PLCH1: variants seen among roughly 807,000 people sequenced by gnomAD.
The protein encoded by PLCH1 is phospholipase C eta 1, also known as 1-phosphatidylinositol 4,5-bisphosphate phosphodiesterase eta-1.
Under a neutral mutation model 126.7 loss-of-function variants are expected in PLCH1, and 60 were observed. The ratio of observed to expected loss-of-function variants is 0.47; its 90% CI spans 0.38 to 0.59. The LOEUF (loss-of-function observed/expected upper bound fraction) is 0.59, where lower values mean the gene tolerates loss of function less well. Among genes scored for constraint, PLCH1 ranks in the 20% least tolerant of loss-of-function variants. The pLI is 0.00. For synonymous variants in PLCH1, 719 were observed against 734.9 expected (o/e 0.98, Z 0.35); for missense variants, 1,723 against 2,040.0 (o/e 0.84, Z 2.99).
chr3:155,602,249 G>A (rs887875476), intron 2 of PLCH1, among the ~76,000 whole-genome samples: 1 of 152,068 alleles, frequency 6.6e-6, no homozygotes. Flanking sequence ...TTTTGTGTAA[G>A]AAAAGAATGG....
chr3:155,674,312 C>A (rs973542620), intron 2 of PLCH1, among the ~76,000 whole-genome samples: 1 of 152,150 alleles, frequency 6.6e-6, no homozygotes, highest in Admixed American at 6.5e-5. Flanking sequence ...GGGCTTTATA[C>A]TTCATGGTCT....
At chr3:155,591,907 T>C (rs967860348) in intron 4 of PLCH1, among the ~76,000 whole-genome samples, 22 of 152,160 alleles carry the variant, frequency 1.4e-4, no homozygotes, top group Non-Finnish European at 2.8e-4. Flanking sequence ...GGTCTCACTA[T>C]TTTGCCGAGA....
chr3:155,514,692 T>G, intron 12 of PLCH1, 31 bp downstream of exon 12: 1 of 1,350,442 alleles, frequency 7.4e-7, no homozygotes, highest in Non-Finnish European at 9.7e-7. Context: ...TTTTTCCTGT[T>G]GAAGGATAAG....
rs761190570 is a variant in PLCH1, at chr3:155,681,016, C to T, written c.79+23130G>A. On this transcript the variant is annotated intron_variant, in intron 2 of 22. Transcript: ENST00000460012. ...CTAACTACTAATGTTACTTTAAATA[C>T]GTAAAATATAGAATATAGACATATA... Among the ~76,000 whole-genome samples the T allele has an allele frequency of 6.6e-5, 10 of 151,804 alleles. No homozygotes were observed. In the South Asian group the frequency reaches 1.5e-3, roughly 22 times the overall value.
rs1714132974 is a variant in PLCH1 at position 155,481,939 on chromosome 3, G to A, written c.4087C>T (p.Leu1363=). The part of the protein sequence containing the change: ...EIDGESENLS[L]TTCEYRREGT... ...TCTCTCCTATATTCACAGGTTGTTA[G>A]AGAAAGATTTTCTGATTCTCCATCA... The change falls in exon 23 of 23, where the codon CTA becomes TTA. Residue 1363 remains leucine, a synonymous_variant. Transcript: ENST00000460012. The surrounding 1 kb of genome is among the most constrained non-coding windows in gnomAD (Gnocchi z 4.2). 1 of 1,614,152 alleles carries A rather than the reference G, an allele frequency of 6.2e-7. No homozygotes were observed. The highest frequency in any genetic ancestry group is 8.5e-7 in the Non-Finnish European group (1 of 1,180,020).
In PLCH1 at chr3:155,480,842, G is replaced by T; in HGVS notation, c.*126C>A. The T allele has an allele frequency of 1.2e-6, 1 of 811,344 alleles. No homozygotes were observed. Among genetic ancestry groups the T allele is most frequent in the Non-Finnish European group, 2.0e-6 (1 of 512,398 alleles). The allele number at this position is 811,344 out of a possible 1,614,324, so 50.3% of individuals were successfully genotyped here. ...AACAGGGAGAACACATGAAGTCAAA[G>T]GGAGACCCAAATACAAGTTTAAAAA... On this transcript the variant is annotated 3_prime_UTR_variant, in exon 23 of 23. Coordinates refer to ENST00000460012, the MANE Select transcript of PLCH1 (RefSeq NM_014996.4).
chr3:155,544,060 C>G (rs2108410036), intron 10 of PLCH1, among the ~76,000 whole-genome samples: 1 of 149,474 alleles, frequency 6.7e-6, no homozygotes, highest in African/African-American at 2.4e-5. Context: ...ATTAAATGGA[C>G]TAAATGCTCC....
intron 1 of PLCH1, among the ~76,000 whole-genome samples, chr3:155,728,360 A>T (rs1410883467): frequency 6.6e-6 from 1 of 151,974 alleles, no homozygotes; most frequent in Non-Finnish European, 1.5e-5. Flanking sequence ...TTTTTTTCGC[A>T]CTTCCTATGG....
intron 12 of PLCH1, 32 bp from the exon 13 acceptor site, chr3:155,504,658 A>G (rs1050477514): frequency 1.4e-6 from 2 of 1,423,090 alleles, no homozygotes; most frequent in African/African-American, 2.8e-5. Flanking sequence ...ATAACTATTT[A>G]TCTTCTTTGC....
chr3:155,731,795 C>T (rs1057389688), intron 1 of PLCH1, among the ~76,000 whole-genome samples: 1 of 151,966 alleles, frequency 6.6e-6, no homozygotes, highest in Non-Finnish European at 1.5e-5. Context: ...GCAGCCTGGT[C>T]AACATGGCAA....
intron 2 of PLCH1, among the ~76,000 whole-genome samples, chr3:155,623,370 T>G (rs973522058): frequency 4.0e-5 from 6 of 151,214 alleles, no homozygotes; most frequent in African/African-American, 1.5e-4. Context: ...GCAAACAAAT[T>G]CAAAAGCTAG....
intron 2 of PLCH1, among the ~76,000 whole-genome samples, chr3:155,615,760 T>C (rs1200459065): frequency 6.6e-6 from 1 of 151,896 alleles, no homozygotes; most frequent in Non-Finnish European, 1.5e-5. Flanking sequence ...CCTTGGGGAC[T>C]CAGGGGGAGG....
chr3:155,715,548 G>A (rs1200659215), intron 1 of PLCH1, among the ~76,000 whole-genome samples: 1 of 150,812 alleles, frequency 6.6e-6, no homozygotes, highest in African/African-American at 2.4e-5. Context: ...CAAGTGATCT[G>A]CCTGCCTCAG....
chr3:155,707,628 A>G (rs562113751), intron 1 of PLCH1, among the ~76,000 whole-genome samples: 2 of 151,602 alleles, frequency 1.3e-5, no homozygotes, highest in South Asian at 4.2e-4. Context: ...ATGCCACTGC[A>G]CTCCAGCCTG....
At chr3:155,730,946 G>A (rs928018904) in intron 1 of PLCH1, among the ~76,000 whole-genome samples, 6 of 152,140 alleles carry the variant, frequency 3.9e-5, no homozygotes, top group Non-Finnish European at 7.4e-5. Flanking sequence ...AGAACCAAGA[G>A]GGCCTGCACA....
At chr3:155,703,440 T>A (rs1371773719) in intron 2 of PLCH1, among the ~76,000 whole-genome samples, 2 of 152,222 alleles carry the variant, frequency 1.3e-5, no homozygotes, top group African/African-American at 4.8e-5. Context: ...CCCTGGGGTA[T>A]CTTGACAGCA....
chr3:155,494,524 G>T lies in PLCH1; in HGVS notation c.1895-7C>A. 1.3e-6 allele frequency: 2 copies of T among 1,511,944 alleles called. No individual in the cohort carries two copies. Among genetic ancestry groups the T allele is most frequent in the Non-Finnish European group, 1.8e-6 (2 of 1,139,400 alleles). The allele number at this position is 1,511,944 out of a possible 1,614,324, so 93.7% of individuals were successfully genotyped here. A position where few individuals can be genotyped will look rare whatever the true frequency, so the allele number is the denominator to read the frequency against. On this transcript the variant is annotated splice_polypyrimidine_tract_variant and splice_region_variant and intron_variant, in intron 15 of 22. Transcript: ENST00000460012. ...AACACATTTCCTGTGGTTCCTGGCA[G>T]TTTTTAATCGAGAAAAAAGGAAGTG...
chr3:155,704,125 T>A, intron 2 of PLCH1, 21 bp downstream of exon 2: 1 of 1,108,100 alleles, frequency 9.0e-7, no homozygotes, highest in Non-Finnish European at 1.1e-6. Context: ...TCCAACTACA[T>A]AAATACAAGA....
At chr3:155,690,081 C>T (rs564915393) in intron 2 of PLCH1, among the ~76,000 whole-genome samples, 5 of 151,776 alleles carry the variant, frequency 3.3e-5, no homozygotes, top group Admixed American at 2.0e-4. Context: ...TACAATGCAG[C>T]GCCAATACGT....
Sources: allele counts gnomAD v4.1 joint callset (sites outside exome capture counted in the v4.1 genomes callset), GRCh38; gene constraint gnomAD v4.1.1; non-coding constraint Gnocchi (gnomAD v3.1); transcripts MANE v1.5; gene names NCBI Gene and HGNC (gene_info 2026-07-23, HGNC 2026-07-21).